The following ADAMTSL1 variants were observed in gnomAD, a reference collection of about 807,000 sequenced individuals.
ADAMTSL1 encodes the protein ADAMTS-like protein 1.
ADAMTSL1 carries 126 observed loss-of-function variants against 201.8 expected under a neutral mutation model. The ratio of observed to expected loss-of-function variants is 0.62; its 90% confidence interval spans 0.54 to 0.72. The LOEUF is 0.72. Among genes scored for constraint, ADAMTSL1 ranks in the 30% least tolerant of loss-of-function variants. The pLI is 0.00. For missense variants in ADAMTSL1, 2,679 were observed against 2,277.8 expected (o/e 1.18, Z -3.59); for synonymous variants, 1,121 against 903.4 (o/e 1.24, Z -4.32).
At chr9:18,620,604 C>A (rs972414393) in intron 4 of ADAMTSL1, among the ~76,000 whole-genome samples, 1 of 152,112 alleles carries the variant, frequency 6.6e-6, no homozygotes, top group Admixed American at 6.5e-5. Flanking sequence ...TAGAAATACA[C>A]CAAAGAAGTC....
intron 2 of ADAMTSL1, among the ~76,000 whole-genome samples, chr9:18,324,044 A>G (rs1834728951): frequency 6.6e-6 from 1 of 152,220 alleles, no homozygotes; most frequent in South Asian, 2.1e-4. Flanking sequence ...GAAGAATGAG[A>G]TTAAATAGGA....
rs1188783126 is a variant in ADAMTSL1, at chr9:18,005,463, A to G, written c.87+98541A>G. ...AGGAAAAAGAAGTACAGGGAGAATA[A>G]GTAGCTTGACCAAAGACACACAGCT... On this transcript the variant is annotated intron_variant, in intron 1 of 29. Coordinates refer to the ADAMTSL1 transcript ENST00000680146. Among the ~76,000 whole-genome samples the G allele has an allele frequency of 2.0e-5, 3 of 152,232 alleles. No individual in the cohort carries two copies. The East Asian group carries it at 5.8e-4, about 30-fold the overall frequency.
chr9:18,843,959 A>T (rs1244190584), intron 23 of ADAMTSL1, among the ~76,000 whole-genome samples: 1 of 152,116 alleles, frequency 6.6e-6, no homozygotes, highest in Non-Finnish European at 1.5e-5. Flanking sequence ...AAAGTTTTCA[A>T]CTTCTTTGCC....
At chr9:18,647,871 G>C (rs1827923357) in intron 7 of ADAMTSL1, among the ~76,000 whole-genome samples, 2 of 151,224 alleles carry the variant, frequency 1.3e-5, no homozygotes, top group Non-Finnish European at 3.0e-5. Context: ...CTGTTGATTT[G>C]GGGTGGAGAG....
At chr9:17,941,993 G>T (rs1406154137) in intron 1 of ADAMTSL1, among the ~76,000 whole-genome samples, 1 of 152,090 alleles carries the variant, frequency 6.6e-6, no homozygotes, top group Non-Finnish European at 1.5e-5. Context: ...CCGTCACATT[G>T]GAGGTTACAA....
intron 1 of ADAMTSL1, among the ~76,000 whole-genome samples, chr9:18,099,191 T>G (rs1168150870): frequency 6.6e-6 from 1 of 150,768 alleles, no homozygotes; most frequent in Non-Finnish European, 1.5e-5. Context: ...AGCTTTGGCT[T>G]ACATTATCTG....
Position 18,334,993 on chromosome 9 carries a change from G to T in ADAMTSL1, c.208-169836G>T, listed in dbSNP as rs77795553. ...ATGCATGTAATCATATAAACTTGAA[G>T]AATTATTTGTATATCATATATAATA... On this transcript the variant is annotated intron_variant, in intron 2 of 29. Coordinates refer to the ADAMTSL1 transcript ENST00000680146. Among the ~76,000 whole-genome samples, 518 of 152,148 alleles carry T rather than the reference G, an allele frequency of 3.4e-3. 3 individuals carry two copies. The highest frequency in any genetic ancestry group is 0.022 in the East Asian group (114 of 5,180).
intron 1 of ADAMTSL1, among the ~76,000 whole-genome samples, chr9:17,962,838 T>C (rs902032633): frequency 6.6e-6 from 1 of 152,244 alleles, no homozygotes; most frequent in Non-Finnish European, 1.5e-5. Context: ...AGTTATTTCA[T>C]GGGTTGAACA....
intron 1 of ADAMTSL1, among the ~76,000 whole-genome samples, chr9:18,034,610 G>T (rs1230737502): frequency 6.6e-6 from 1 of 151,936 alleles, no homozygotes; most frequent in Non-Finnish European, 1.5e-5. Context: ...CCAAACCTCA[G>T]TACCATCTGA....
At chr9:18,262,615 G>A (rs1011194917) in intron 2 of ADAMTSL1, among the ~76,000 whole-genome samples, 3 of 152,070 alleles carry the variant, frequency 2.0e-5, no homozygotes, top group African/African-American at 7.2e-5. Flanking sequence ...GGGAAAAATG[G>A]GATGGTTTGG....
At chr9:18,485,194 G>A (rs1350945601) in intron 1 of ADAMTSL1, among the ~76,000 whole-genome samples, 1 of 152,080 alleles carries the variant, frequency 6.6e-6, no homozygotes, top group Non-Finnish European at 1.5e-5. Flanking sequence ...GATTCGAACC[G>A]AGGCAGAGTT....
At chr9:18,033,957 A>G (rs1332956782) in intron 1 of ADAMTSL1, among the ~76,000 whole-genome samples, 1 of 152,170 alleles carries the variant, frequency 6.6e-6, no homozygotes. Context: ...TGTCTCTGTT[A>G]TCATTCCTTG....
At chr9:18,021,430 C>G (rs558651508) in intron 1 of ADAMTSL1, among the ~76,000 whole-genome samples, 1 of 152,092 alleles carries the variant, frequency 6.6e-6, no homozygotes, top group Non-Finnish European at 1.5e-5. Context: ...TTGGGGCTGT[C>G]TGGAGATTAA....
intron 1 of ADAMTSL1, among the ~76,000 whole-genome samples, chr9:18,486,270 C>G (rs1821988961): frequency 6.6e-6 from 1 of 152,208 alleles, no homozygotes; most frequent in Non-Finnish European, 1.5e-5. Context: ...GTATCTGTAT[C>G]CTAAAAAGTT....
chr9:18,634,273 G>A (rs749182934), intron 5 of ADAMTSL1, among the ~76,000 whole-genome samples: 13 of 152,060 alleles, frequency 8.5e-5, no homozygotes, highest in Non-Finnish European at 1.6e-4. Flanking sequence ...AAAAAAATAT[G>A]TCTGAACAGG....
chr9:17,968,628 C>T (rs111262038), intron 1 of ADAMTSL1, among the ~76,000 whole-genome samples: 3 of 152,110 alleles, frequency 2.0e-5, no homozygotes, highest in Non-Finnish European at 4.4e-5. Flanking sequence ...AATGTGGTAT[C>T]CTCGTTGATT....
chr9:18,303,358 G>T (rs1833778154), intron 2 of ADAMTSL1, among the ~76,000 whole-genome samples: 1 of 152,210 alleles, frequency 6.6e-6, no homozygotes, highest in Admixed American at 6.5e-5. Flanking sequence ...AGGTCTTCCA[G>T]CCTCAGCCAG....
intron 2 of ADAMTSL1, among the ~76,000 whole-genome samples, chr9:18,258,851 TTTA>T (rs1481238264): frequency 2.6e-5 from 4 of 152,236 alleles, no homozygotes; most frequent in Non-Finnish European, 5.9e-5. Context: ...TTATTCAGTC[TTTA>T]TTATACTTTG....
intron 23 of ADAMTSL1, among the ~76,000 whole-genome samples, chr9:18,873,473 G>T (rs1827976648): frequency 6.6e-6 from 1 of 152,146 alleles, no homozygotes; most frequent in African/African-American, 2.4e-5. Flanking sequence ...GTTGACTTTT[G>T]TAGAAGGTGA....
Sources: allele counts gnomAD v4.1 joint callset (sites outside exome capture counted in the v4.1 genomes callset), GRCh38; gene constraint gnomAD v4.1.1; transcripts MANE v1.5; gene names NCBI Gene and HGNC (gene_info 2026-07-23, HGNC 2026-07-21).